Variants in MACROD2 observed in about 807,000 individuals in gnomAD.
MACROD2 encodes the protein mono-ADP ribosylhydrolase 2.
Under a neutral mutation model 70.4 loss-of-function variants are expected in MACROD2, and 36 were observed. That is an observed-to-expected ratio of 0.51 (90% CI 0.39 to 0.68). The LOEUF is 0.68. Among genes scored for constraint, MACROD2 ranks in the 30% least tolerant of loss-of-function variants. MACROD2 has a pLI of 0.00. For synonymous variants in MACROD2, 172 were observed against 178.8 expected (o/e 0.96, Z 0.30); for missense variants, 496 against 538.4 (o/e 0.92, Z 0.78).
chr20:14,325,845 C>A (rs550133253), intron 3 of MACROD2: 1 of 1,613,960 alleles, frequency 6.2e-7, no homozygotes, highest in South Asian at 1.1e-5. Context: ...GCGATCCATT[C>A]CTATGAACAT....
chr20:15,987,500 G>A (rs2066502921), intron 15 of MACROD2, among the ~76,000 whole-genome samples: 1 of 152,140 alleles, frequency 6.6e-6, no homozygotes, highest in East Asian at 1.9e-4. Flanking sequence ...AATGGCTTTA[G>A]AGCAAATAGA....
At chr20:14,455,017 G>C (rs1275526606) in intron 3 of MACROD2, among the ~76,000 whole-genome samples, 1 of 150,564 alleles carries the variant, frequency 6.6e-6, no homozygotes, top group Admixed American at 6.6e-5. Flanking sequence ...CTCCCAATCT[G>C]TCTCTACACT....
chr20:15,684,093 T>A (rs1397256420), intron 8 of MACROD2, among the ~76,000 whole-genome samples: 2 of 152,198 alleles, frequency 1.3e-5, no homozygotes, highest in Non-Finnish European at 2.9e-5. Flanking sequence ...TAAATCGCTT[T>A]CCTCATTTTT....
At chr20:15,532,163 T>C (rs754177119) in intron 8 of MACROD2, among the ~76,000 whole-genome samples, 3 of 152,152 alleles carry the variant, frequency 2.0e-5, no homozygotes, top group Non-Finnish European at 4.4e-5. Flanking sequence ...CCAGATAAGC[T>C]GAAGCATGCT....
chr20:15,113,757 T>C (rs1341160509), intron 5 of MACROD2, among the ~76,000 whole-genome samples: 2 of 137,398 alleles, frequency 1.5e-5, no homozygotes, highest in Non-Finnish European at 3.2e-5. Flanking sequence ...GGTTGTGTAG[T>C]CTTGAAGTGT....
chr20:14,015,110 C>A (rs2052969405), intron 2 of MACROD2, among the ~76,000 whole-genome samples: 1 of 151,586 alleles, frequency 6.6e-6, no homozygotes, highest in African/African-American at 2.4e-5. Context: ...TTCTTGAGTT[C>A]TCTTGTTTCC....
At chr20:14,742,976 C>T (rs941920953) in intron 5 of MACROD2, among the ~76,000 whole-genome samples, 5 of 151,754 alleles carry the variant, frequency 3.3e-5, no homozygotes, top group South Asian at 2.1e-4. Context: ...CCGTTTTAGC[C>T]GGGATGGTCT....
chr20:15,729,022 C>T (rs1374871024), intron 8 of MACROD2, among the ~76,000 whole-genome samples: 1 of 152,152 alleles, frequency 6.6e-6, no homozygotes, highest in African/African-American at 2.4e-5. Flanking sequence ...GCATTTAACA[C>T]TATAACATTT....
chr20:14,313,268 T>C (rs2082582403), intron 3 of MACROD2, among the ~76,000 whole-genome samples: 1 of 152,206 alleles, frequency 6.6e-6, no homozygotes, highest in Non-Finnish European at 1.5e-5. Flanking sequence ...GCGTATTTTG[T>C]GAACATTTGG....
At chr20:15,346,463 G>C (rs1002359378) in intron 6 of MACROD2, among the ~76,000 whole-genome samples, 25 of 152,250 alleles carry the variant, frequency 1.6e-4, no homozygotes, top group East Asian at 1.2e-3. Context: ...AGTATACAGT[G>C]AACAGCAGCG....
At chr20:14,840,665 A>C (rs965356034) in intron 5 of MACROD2, among the ~76,000 whole-genome samples, 2 of 152,134 alleles carry the variant, frequency 1.3e-5, no homozygotes, top group Non-Finnish European at 2.9e-5. Context: ...AAAAAGAGGA[A>C]GGTTGAGTTA....
chr20:14,706,083 A>C (rs112887325), intron 5 of MACROD2, among the ~76,000 whole-genome samples: 1,757 of 152,284 alleles, frequency 0.012, 14 homozygotes, highest in Non-Finnish European at 0.019. Context: ...TGAGAGGCCA[A>C]GGCGGGTGGA....
intron 5 of MACROD2, among the ~76,000 whole-genome samples, chr20:15,034,094 G>T (rs1009668213): frequency 2.0e-5 from 3 of 152,200 alleles, no homozygotes; most frequent in Non-Finnish European, 4.4e-5. Context: ...CACAGTGATT[G>T]ATGGGGCTGC....
At chr20:14,633,514 C>T (rs908779919) in intron 4 of MACROD2, among the ~76,000 whole-genome samples, 6 of 152,106 alleles carry the variant, frequency 3.9e-5, no homozygotes, top group African/African-American at 1.4e-4. Context: ...GTAAAGTTAC[C>T]TGCTATATAT....
chr20:15,130,040 G>A (rs531522900), intron 5 of MACROD2, among the ~76,000 whole-genome samples: 8 of 152,042 alleles, frequency 5.3e-5, no homozygotes, highest in South Asian at 2.1e-4. Context: ...CCCATTTTAC[G>A]ATGAACATTA....
intron 8 of MACROD2, among the ~76,000 whole-genome samples, chr20:15,808,347 C>G (rs2063788052): frequency 6.6e-6 from 1 of 152,112 alleles, no homozygotes; most frequent in African/African-American, 2.4e-5. Context: ...TTTAATTCAC[C>G]TAACAACATT....
intron 5 of MACROD2, among the ~76,000 whole-genome samples, chr20:15,052,534 T>G (rs1475266830): frequency 6.6e-6 from 1 of 152,194 alleles, no homozygotes; most frequent in Non-Finnish European, 1.5e-5. Context: ...ATTACTATTG[T>G]CATTGTTTTG....
At chr20:15,501,343 A>G (rs994104196) in intron 8 of MACROD2, among the ~76,000 whole-genome samples, 1 of 152,220 alleles carries the variant, frequency 6.6e-6, no homozygotes, top group African/African-American at 2.4e-5. Context: ...GATATGCCCC[A>G]CTGGAGGAAG....
chr20:14,939,122 A>AGTTTT (rs1439561319), intron 5 of MACROD2, among the ~76,000 whole-genome samples: 1 of 151,708 alleles, frequency 6.6e-6, no homozygotes, highest in Admixed American at 6.6e-5. Flanking sequence ...TCATTTACCA[A>AGTTTT]GTTTTGCTTT....
Sources: gnomAD v4.1 joint callset for allele counts (sites outside exome capture counted in the v4.1 genomes callset) on GRCh38, gnomAD v4.1.1 for gene constraint, MANE v1.5 for transcripts, NCBI Gene and HGNC (gene_info 2026-07-23, HGNC 2026-07-21) for gene names.